Variants in WDFY3 observed in about 807,000 individuals in gnomAD.
WDFY3 encodes WD repeat and FYVE domain containing 3.
In WDFY3, 66 loss-of-function variants were observed where a neutral mutation model predicts 409.6. That is an observed-to-expected ratio of 0.16 (90% CI 0.13 to 0.20). The LOEUF (loss-of-function observed/expected upper bound fraction) is 0.20. Among genes scored for constraint, WDFY3 ranks in the 10% least tolerant of loss-of-function variants. The pLI is 1.00. For missense variants in WDFY3, 3,031 were observed against 4,298.1 expected (o/e 0.71, Z 8.24); for synonymous variants, 1,521 against 1,537.1 (o/e 0.99, Z 0.25).
intron 2 of WDFY3, among the ~76,000 whole-genome samples, chr4:84,911,245 G>A (rs1474392164): frequency 6.6e-6 from 1 of 152,118 alleles, no homozygotes; most frequent in African/African-American, 2.4e-5. Context: ...ATTTAAAAAT[G>A]AGCAAAGGAG....
intron 2 of WDFY3, among the ~76,000 whole-genome samples, chr4:84,908,603 C>A (rs1162636349): frequency 6.6e-6 from 1 of 152,130 alleles, no homozygotes; most frequent in East Asian, 1.9e-4. Flanking sequence ...TCATCAGAAA[C>A]CTCAATAGTC....
At chr4:84,842,457 A>C (rs1318837332) in intron 5 of WDFY3, among the ~76,000 whole-genome samples, 9 of 151,654 alleles carry the variant, frequency 5.9e-5, no homozygotes. Context: ...AGCCTGGGCA[A>C]CAGAGTGAGA....
Position 84,721,431 on chromosome 4 carries a change from C to A in WDFY3, c.7583G>T (p.Arg2528Leu). The A allele has an allele frequency of 6.2e-7, 1 of 1,613,686 alleles. No individual in the cohort carries two copies. Among genetic ancestry groups the A allele is most frequent in the African/African-American group, 1.3e-5 (1 of 75,054 alleles). The change falls in exon 47 of 68, where the codon CGC becomes CTC. Residue 2528 changes from arginine (R) to leucine (L), a missense_variant. Arg to Leu is a moderately radical substitution (Grantham distance 102). Coordinates refer to ENST00000295888, the MANE Select transcript of WDFY3 (RefSeq NM_014991.6). Reference protein sequence around the residue: ...EEKTDNATLLRLLEEGEKIQH... With the variant: ...EEKTDNATLLLLLEEGEKIQH... ...TACCTTTTCTCCTTCCTCTAACAGG[C>A]GCAGTAAGGTAGCATTATCTGTTTT...
At chr4:84,849,732 A>C (rs1872322) in intron 5 of WDFY3, 170 bp downstream of exon 5, 52 of 854,696 alleles carry the variant, frequency 6.1e-5, no homozygotes, top group Middle Eastern at 3.6e-4. Context: ...GGAGAGTTGA[A>C]GATGCTGAAA....
At chr4:84,950,342 C>T (rs1011448951) in intron 1 of WDFY3, among the ~76,000 whole-genome samples, 1 of 151,610 alleles carries the variant, frequency 6.6e-6, no homozygotes, top group Non-Finnish European at 1.5e-5. Flanking sequence ...GTGCAGCAAA[C>T]CACCATGGCA....
At chr4:84,838,084 T>C (rs1279475543) in intron 6 of WDFY3, among the ~76,000 whole-genome samples, 1 of 152,154 alleles carries the variant, frequency 6.6e-6, no homozygotes, top group African/African-American at 2.4e-5. Context: ...AAAGATCACC[T>C]GGAAGATACA....
chr4:84,886,332 T>C (rs930603046), intron 3 of WDFY3: 1 of 152,134 alleles, frequency 6.6e-6, no homozygotes, highest in Non-Finnish European at 1.5e-5. Context: ...ATTCATTTCT[T>C]AAGTTAGTCT....
chr4:84,715,130 A>C (rs1163966472), intron 50 of WDFY3, among the ~76,000 whole-genome samples, 168 bp downstream of exon 50: 1 of 152,142 alleles, frequency 6.6e-6, no homozygotes, highest in Non-Finnish European at 1.5e-5. Flanking sequence ...CCATTTTAAA[A>C]GTCAGAAGAA....
At chr4:84,880,910 AG>A (rs1763448757) in intron 3 of WDFY3, among the ~76,000 whole-genome samples, 2 of 150,460 alleles carry the variant, frequency 1.3e-5, no homozygotes, top group South Asian at 4.2e-4. Flanking sequence ...TTTAGTAGAG[AG>A]GGGGTTTCGC....
At chr4:84,902,157 G>A (rs1213945974) in intron 2 of WDFY3, among the ~76,000 whole-genome samples, 3 of 152,082 alleles carry the variant, frequency 2.0e-5, no homozygotes, top group African/African-American at 2.4e-5. Context: ...CTGAAATACT[G>A]TGCCACATAT....
chr4:84,921,432 T>A (rs1769256922), intron 2 of WDFY3, among the ~76,000 whole-genome samples: 1 of 152,026 alleles, frequency 6.6e-6, no homozygotes, highest in Non-Finnish European at 1.5e-5. Flanking sequence ...AACAGAGATT[T>A]GTCTAGTGTT....
intron 13 of WDFY3, among the ~76,000 whole-genome samples, chr4:84,813,650 A>G (rs1260987517): frequency 1.3e-5 from 2 of 152,254 alleles, no homozygotes; most frequent in East Asian, 3.9e-4. Flanking sequence ...CCTGAGAATC[A>G]GTTACTAACA....
intron 51 of WDFY3, among the ~76,000 whole-genome samples, chr4:84,712,551 T>A (rs984196497): frequency 6.6e-5 from 10 of 151,696 alleles, no homozygotes; most frequent in Non-Finnish European, 1.5e-4. Context: ...CAAAACCCTG[T>A]CTCTACTAAA....
chr4:84,777,495 A>C (rs1745752930), intron 27 of WDFY3, among the ~76,000 whole-genome samples: 1 of 152,112 alleles, frequency 6.6e-6, no homozygotes, highest in Admixed American at 6.6e-5. Flanking sequence ...AATATGAGGG[A>C]AACAGACAAT....
At chr4:84,906,959 G>C (rs997239439) in intron 2 of WDFY3, among the ~76,000 whole-genome samples, 1 of 151,766 alleles carries the variant, frequency 6.6e-6, no homozygotes, top group Non-Finnish European at 1.5e-5. Flanking sequence ...TTGTTATACT[G>C]TATTTTCAAA....
At chr4:84,782,512 T>C (rs537874054) in intron 25 of WDFY3, among the ~76,000 whole-genome samples, 18 of 152,304 alleles carry the variant, frequency 1.2e-4, no homozygotes, top group Admixed American at 5.9e-4. Context: ...GCATTAGGTA[T>C]TTGTACTGAT....
intron 25 of WDFY3, among the ~76,000 whole-genome samples, chr4:84,781,733 T>C (rs1560744983): frequency 6.6e-6 from 1 of 152,198 alleles, no homozygotes; most frequent in Admixed American, 6.5e-5. Context: ...TGCTCACTGC[T>C]CTTTCCACTA....
chr4:84,716,249 A>AC (rs1323151084), intron 49 of WDFY3, among the ~76,000 whole-genome samples: 11 of 140,438 alleles, frequency 7.8e-5, no homozygotes, highest in Middle Eastern at 4.9e-3. Context: ...CATCCTGGCT[A>AC]ACATGGTGAA....
At chr4:84,739,659 C>G (rs921719258) in intron 39 of WDFY3, among the ~76,000 whole-genome samples, 2 of 152,080 alleles carry the variant, frequency 1.3e-5, no homozygotes, top group Non-Finnish European at 2.9e-5. Flanking sequence ...TATGTGCCTC[C>G]AAAGCACTGG....
Sources: allele counts gnomAD v4.1 joint callset (sites outside exome capture counted in the v4.1 genomes callset), GRCh38; gene constraint gnomAD v4.1.1; transcripts MANE v1.5; gene names NCBI Gene and HGNC (gene_info 2026-07-23, HGNC 2026-07-21).